Variants in AGMO observed in about 807,000 individuals in gnomAD.
AGMO encodes alkylglycerol monooxygenase.
AGMO carries 75 observed loss-of-function variants against 60.2 expected under a neutral mutation model. The observed-to-expected ratio is 1.25, with a 90% CI of 1.03 to 1.51. The LOEUF (loss-of-function observed/expected upper bound fraction) is 1.51, where lower values mean the gene tolerates loss of function less well. Ranked by LOEUF, AGMO falls within the 40% of genes most tolerant of loss-of-function variation. AGMO has a pLI of 0.00. For synonymous variants in AGMO, 261 were observed against 177.1 expected (o/e 1.47, Z -3.76); for missense variants, 763 against 525.5 (o/e 1.45, Z -4.42).
At chr7:15,340,447 C>G (rs968527545) in intron 12 of AGMO, among the ~76,000 whole-genome samples, 1 of 152,164 alleles carries the variant, frequency 6.6e-6, no homozygotes, top group Admixed American at 6.5e-5. Flanking sequence ...AAATTTTGGG[C>G]TTCATAAACT....
At position 15,455,040 on chromosome 7, in the gene AGMO, T is replaced by A. The variant is rs576353811; in HGVS notation, c.410-23932A>T. On this transcript the variant is annotated intron_variant, in intron 3 of 12. Transcript: ENST00000342526. ...CAACCTGTGCTACGGTAGATGCAGA[T>A]TTACTCTTTAATGCTTGCATTTTCT... is the stretch of plus-strand genomic sequence containing the variant. 8.3e-4 allele frequency among the ~76,000 whole-genome samples: 126 copies of A among 151,636 alleles called. No individual in the cohort carries two copies. In the Middle Eastern group the frequency reaches 0.017, roughly 21 times the overall value.
At chr7:15,342,166 C>G (rs534982863) in intron 12 of AGMO, among the ~76,000 whole-genome samples, 1 of 52,760 alleles carries the variant, frequency 1.9e-5, no homozygotes, top group East Asian at 4.7e-4. Context: ...TAGATACCCA[C>G]AGAGTTAAAA....
chr7:15,374,875 A>T (rs1287250171), intron 10 of AGMO, among the ~76,000 whole-genome samples: 1 of 152,044 alleles, frequency 6.6e-6, no homozygotes, highest in Non-Finnish European at 1.5e-5. Flanking sequence ...AACCCTAAAA[A>T]TTTGCAGAGT....
At chr7:15,436,443 A>G (rs1474693210) in intron 3 of AGMO, among the ~76,000 whole-genome samples, 1 of 152,200 alleles carries the variant, frequency 6.6e-6, no homozygotes, top group Non-Finnish European at 1.5e-5. Context: ...AAGCCCTTTT[A>G]TAGGGGCATT....
the AGMO span, among the ~76,000 whole-genome samples, chr7:15,176,532 C>G: frequency 6.6e-6 from 1 of 151,784 alleles, no homozygotes; most frequent in Non-Finnish European, 1.5e-5. Context: ...TTTCCCCCTG[C>G]TTTATTGAGG....
intron 12 of AGMO, among the ~76,000 whole-genome samples, chr7:15,333,581 A>C (rs1168956184): frequency 6.6e-6 from 1 of 150,488 alleles, no homozygotes; most frequent in African/African-American, 2.4e-5. Context: ...GATACTCTCT[A>C]TAGAGACGAA....
At chr7:15,222,878 C>T (rs944757451) in intron 12 of AGMO, among the ~76,000 whole-genome samples, 2 of 151,802 alleles carry the variant, frequency 1.3e-5, no homozygotes, top group African/African-American at 4.8e-5. Context: ...ACATGCGTAA[C>T]AAAAATATCA....
At chr7:15,145,681 T>A in the AGMO span, among the ~76,000 whole-genome samples, 111,610 of 152,016 alleles carry the variant, frequency 0.73, 41,389 homozygotes, top group East Asian at 0.98. Flanking sequence ...ACGTATTTCC[T>A]TAAACTTCAC....
rs148471125 is a variant in AGMO, at chr7:15,298,173, T to C, written c.1263+67341A>G. ...GACTACTTGTGTATAACAAGCATCA[T>C]ACTGGCAGAAAATAACAAGTTTCCT... is the stretch of plus-strand genomic sequence containing the variant. On this transcript the variant is annotated intron_variant, in intron 12 of 12. Coordinates refer to ENST00000342526, the MANE Select transcript of AGMO (RefSeq NM_001004320.2). Among the ~76,000 whole-genome samples, 29 of 151,222 alleles carry C rather than the reference T, an allele frequency of 1.9e-4. No individual in the cohort carries two copies. In the East Asian group the frequency reaches 5.4e-3, roughly 28 times the overall value.
intron 12 of AGMO, among the ~76,000 whole-genome samples, chr7:15,247,786 T>C (rs1728771167): frequency 6.6e-6 from 1 of 152,036 alleles, no homozygotes; most frequent in African/African-American, 2.4e-5. Context: ...ATAAAAAATT[T>C]CCATATACAC....
At chr7:15,551,997 G>A (rs1201591700) in intron 2 of AGMO, among the ~76,000 whole-genome samples, 2 of 151,836 alleles carry the variant, frequency 1.3e-5, no homozygotes, top group Non-Finnish European at 2.9e-5. Context: ...ACAGAACAGA[G>A]CCCTCAGAAA....
chr7:15,281,275 G>T (rs1342919132), intron 12 of AGMO, among the ~76,000 whole-genome samples: 2 of 152,148 alleles, frequency 1.3e-5, no homozygotes, highest in Admixed American at 1.3e-4. Flanking sequence ...TGGAGAAGGA[G>T]ACTTCTTTCT....
At chr7:15,152,700 T>C in the AGMO span, among the ~76,000 whole-genome samples, 1 of 152,326 alleles carries the variant, frequency 6.6e-6, no homozygotes, top group African/African-American at 2.4e-5. Context: ...CTGAGTGGTA[T>C]TCCATGATAT....
the AGMO span, among the ~76,000 whole-genome samples, chr7:15,162,170 G>A: frequency 1.1e-4 from 17 of 152,172 alleles, no homozygotes; most frequent in African/African-American, 4.1e-4. Context: ...TTCACCTTCT[G>A]CCATGATTCT....
intron 12 of AGMO, among the ~76,000 whole-genome samples, chr7:15,235,207 AATATAT>A: frequency 6.6e-6 from 1 of 151,856 alleles, no homozygotes; most frequent in South Asian, 2.1e-4. Context: ...CTTAATCTAT[AATATAT>A]ATATATCTAA....
At chr7:15,286,526 C>A (rs1020364715) in intron 12 of AGMO, among the ~76,000 whole-genome samples, 2 of 152,096 alleles carry the variant, frequency 1.3e-5, no homozygotes, top group East Asian at 1.9e-4. Flanking sequence ...CAATGAGATA[C>A]CATCTCACCC....
rs1214619564 is a variant in AGMO at position 15,418,626 on chromosome 7, T to C, written c.541A>G (p.Ile181Val). 8 of 1,577,008 alleles carry C rather than the reference T, an allele frequency of 5.1e-6. No homozygotes were observed. The highest frequency in any genetic ancestry group is 6.9e-6 in the Non-Finnish European group (8 of 1,167,280). ...TGAACAGCATATACTGAAGGGGGTA[T>C]GAAGAGGGCCAGGGGAGAGTAGAAA... is the stretch of plus-strand genomic sequence containing the variant. ...WIFYSPLALFIPPSVYAVHLQ... is the reference protein window; with the variant it reads ...WIFYSPLALFVPPSVYAVHLQ... Residue 181 changes from isoleucine to valine, a missense_variant, in exon 5 of 13, where the codon ATA (isoleucine) becomes GTA (valine). Transcript: ENST00000342526.
chr7:15,482,338 G>C (rs968650074), intron 3 of AGMO, among the ~76,000 whole-genome samples: 3 of 152,040 alleles, frequency 2.0e-5, no homozygotes, highest in East Asian at 3.9e-4. Context: ...ATCACTAAAA[G>C]TCCTACAGAT....
At chr7:15,339,572 T>C (rs368748990) in intron 12 of AGMO, among the ~76,000 whole-genome samples, 11 of 152,276 alleles carry the variant, frequency 7.2e-5, no homozygotes, top group African/African-American at 1.9e-4. Context: ...TTTCCATTAT[T>C]GAAAAATAGG....
Sources: allele counts gnomAD v4.1 joint callset (sites outside exome capture counted in the v4.1 genomes callset), GRCh38; gene constraint gnomAD v4.1.1; transcripts MANE v1.5; gene names NCBI Gene and HGNC (gene_info 2026-07-23, HGNC 2026-07-21).